CIT: variants seen among roughly 807,000 people sequenced by gnomAD.
The protein encoded by CIT is citron Rho-interacting kinase.
In CIT, 79 loss-of-function variants were observed where a neutral mutation model predicts 272.7. The observed-to-expected ratio is 0.29, with a 90% CI of 0.24 to 0.35. CIT has a LOEUF of 0.35. Ranked by LOEUF, CIT falls within the 10% of genes least tolerant of loss-of-function variation. The pLI, the probability that CIT is intolerant of heterozygous loss-of-function variation, is 1.00. For missense variants in CIT, 1,909 were observed against 2,618.3 expected, an observed-to-expected ratio of 0.73 and a Z score of 5.91; for synonymous variants, 948 against 995.6, an observed-to-expected ratio of 0.95 and a Z score of 0.90.
chr12:119,857,760 GAAAGAAAAAAAAA>G (rs981959146), intron 3 of CIT, 62 bp from the exon 4 acceptor site: 30 of 1,315,970 alleles, frequency 2.3e-5, no homozygotes, highest in Middle Eastern at 2.2e-4. Flanking sequence ...GCATCTTTAT[GAAAGAAAAAAAAA>G]AAAGAAAATA....
intron 9 of CIT, among the ~76,000 whole-genome samples, chr12:119,818,121 C>T (rs758522699): frequency 3.3e-4 from 50 of 152,300 alleles, no homozygotes; most frequent in Non-Finnish European, 6.2e-4. Context: ...TCCAGAATCC[C>T]TTATTCACTT....
intron 9 of CIT, among the ~76,000 whole-genome samples, chr12:119,808,084 A>G (rs539177165): frequency 1.3e-4 from 20 of 152,260 alleles, no homozygotes; most frequent in African/African-American, 4.6e-4. Context: ...AGGCTTTCAG[A>G]AACAAAGAGC....
intron 13 of CIT, among the ~76,000 whole-genome samples, chr12:119,781,748 G>T (rs1964311764): frequency 6.6e-6 from 1 of 152,172 alleles, no homozygotes; most frequent in South Asian, 2.1e-4. Flanking sequence ...ACTCAGATAG[G>T]CAGTGTTAAT....
At chr12:119,761,319 A>G (rs1431299322) in intron 19 of CIT, among the ~76,000 whole-genome samples, 1 of 152,214 alleles carries the variant, frequency 6.6e-6, no homozygotes, top group Non-Finnish European at 1.5e-5. Flanking sequence ...CAGCCCAAAG[A>G]CCAGAGAGAT....
chr12:119,734,331 G>A lies in CIT; in HGVS notation c.3183C>T (p.Cys1061=), dbSNP rs1489549841. The A allele has an allele frequency of 1.9e-6, 3 of 1,613,610 alleles. No individual in the cohort carries two copies. Among genetic ancestry groups the A allele is most frequent in the Middle Eastern group, 1.6e-4 (1 of 6,062 alleles). Residue 1061 remains cysteine, a synonymous_variant, in exon 26 of 48, where the codon TGC becomes TGT. Coordinates refer to ENST00000392521, the MANE Select transcript of CIT (RefSeq NM_001206999.2). ...KQTMEALKTT[C]TMLEEQVMDL... ...CCATGACCTGTTCCTCCAGCATGGT[G>A]CACGTGGTCTTCAGAGCCTCCATCG... is the stretch of plus-strand genomic sequence containing the variant.
At chr12:119,704,750 T>C (rs568823611) in intron 40 of CIT, among the ~76,000 whole-genome samples, 1 of 152,216 alleles carries the variant, frequency 6.6e-6, no homozygotes, top group East Asian at 1.9e-4. Flanking sequence ...TTACCTGGGA[T>C]CCAGAGAAGG....
chr12:119,873,383 TC>T (rs1950743175), intron 2 of CIT, among the ~76,000 whole-genome samples: 1 of 151,674 alleles, frequency 6.6e-6, no homozygotes, highest in South Asian at 2.1e-4. Flanking sequence ...GCTCAAGTGA[TC>T]CTCCTGCCTC....
rs1255252757 is a variant in CIT, at chr12:119,833,687, A to T, written c.659+399T>A. 1.5e-5 allele frequency among the ~76,000 whole-genome samples: 2 copies of T among 136,784 alleles called. 1 individual carries two copies. Among genetic ancestry groups the T allele is most frequent in the South Asian group, 4.8e-4 (2 of 4,126 alleles). 89.7% of individuals were successfully genotyped at this position (136,784 alleles called of 152,430 possible). On this transcript the variant is annotated intron_variant, in intron 6 of 47. Transcript: ENST00000392521. ...TCAAAAAAAAAAAAAAAAAAAAAAAATTGTAAATTCTAACGGGCAGAGTTA... is the reference window on the plus strand; with the variant it reads ...TCAAAAAAAAAAAAAAAAAAAAAAATTTGTAAATTCTAACGGGCAGAGTTA...
intron 10 of CIT, among the ~76,000 whole-genome samples, chr12:119,802,748 C>T (rs1240408333): frequency 6.6e-6 from 1 of 152,188 alleles, no homozygotes; most frequent in Non-Finnish European, 1.5e-5. Flanking sequence ...ATCAGGAAAC[C>T]TCTAGCTTAT....
chr12:119,737,095 CA>C (rs1958806904), intron 24 of CIT, among the ~76,000 whole-genome samples: 1 of 151,942 alleles, frequency 6.6e-6, no homozygotes, highest in Non-Finnish European at 1.5e-5. Flanking sequence ...AACATGAGGT[CA>C]GGAGATCAAG....
intron 2 of CIT, among the ~76,000 whole-genome samples, chr12:119,872,743 T>C (rs1036185442): frequency 5.9e-5 from 9 of 152,286 alleles, no homozygotes; most frequent in African/African-American, 2.2e-4. Flanking sequence ...CCAACGTGTA[T>C]GATCTTGGGC....
chr12:119,714,431 A>C, intron 32 of CIT, 97 bp from the exon 33 acceptor site: 1 of 1,311,116 alleles, frequency 7.6e-7, no homozygotes, highest in Non-Finnish European at 1.1e-6. Flanking sequence ...AATACTTGCA[A>C]ATCAAATCTC....
At chr12:119,808,020 T>TTTTCTG (rs1966705792) in intron 9 of CIT, among the ~76,000 whole-genome samples, 1 of 152,180 alleles carries the variant, frequency 6.6e-6, no homozygotes, top group Non-Finnish European at 1.5e-5. Flanking sequence ...CTTGAGGTTG[T>TTTTCTG]TTTTTGTTTT....
chr12:119,869,907 G>C (rs774926030), intron 2 of CIT, among the ~76,000 whole-genome samples: 5 of 152,196 alleles, frequency 3.3e-5, no homozygotes, highest in African/African-American at 7.2e-5. Context: ...GCTGAGTAAT[G>C]CTGCCCCTCC....
At chr12:119,871,859 AAG>A (rs1043502843) in intron 2 of CIT, among the ~76,000 whole-genome samples, 17 of 152,340 alleles carry the variant, frequency 1.1e-4, no homozygotes, top group African/African-American at 3.1e-4. Context: ...CCTGGTCCCC[AAG>A]AGAGTCAGAC....
At chr12:119,872,219 TA>T (rs1950701078) in intron 2 of CIT, among the ~76,000 whole-genome samples, 2 of 152,088 alleles carry the variant, frequency 1.3e-5, no homozygotes, top group Non-Finnish European at 2.9e-5. Context: ...TCTTTCTTTT[TA>T]TTTTTTTTTT....
chr12:119,725,400 T>C (rs968702819), intron 28 of CIT, among the ~76,000 whole-genome samples: 2 of 152,032 alleles, frequency 1.3e-5, no homozygotes, highest in African/African-American at 4.8e-5. Flanking sequence ...CACTCCAGCC[T>C]GGGCGAGAGA....
chr12:119,771,418 G>T (rs1216007243), intron 17 of CIT, among the ~76,000 whole-genome samples: 2 of 152,086 alleles, frequency 1.3e-5, no homozygotes, highest in African/African-American at 4.8e-5. Context: ...AGATGTTTCA[G>T]ACAAAAGGAG....
At chr12:119,820,444 G>A (rs369461641) in intron 9 of CIT, among the ~76,000 whole-genome samples, 5 of 152,014 alleles carry the variant, frequency 3.3e-5, no homozygotes, top group African/African-American at 9.7e-5. Context: ...CCAGCTACTC[G>A]GAGGCTGAGG....
Sources: gnomAD v4.1 joint callset for allele counts (sites outside exome capture counted in the v4.1 genomes callset) on GRCh38, gnomAD v4.1.1 for gene constraint, MANE v1.5 for transcripts, NCBI Gene and HGNC (gene_info 2026-07-23, HGNC 2026-07-21) for gene names.